Variants in ZNF469 observed in about 807,000 individuals in gnomAD.
ZNF469 encodes zinc finger protein 469.
ZNF469 carries 1 observed loss-of-function variant against 1.0 expected under a neutral mutation model. That is an observed-to-expected ratio of 1.00 (90% CI 0.35 to 4.73). The LOEUF (loss-of-function observed/expected upper bound fraction) is 4.73. Ranked by LOEUF, ZNF469 falls within the 30% of genes most tolerant of loss-of-function variation. ZNF469 has a pLI of 0.16. For missense variants in ZNF469, 6,100 were observed against 5,356.3 expected (o/e 1.14, Z -4.33); for synonymous variants, 2,703 against 2,363.4 (o/e 1.14, Z -4.17).
the ZNF469 span, among the ~76,000 whole-genome samples, chr16:88,331,071 A>C: frequency 6.6e-6 from 1 of 150,924 alleles, no homozygotes; most frequent in African/African-American, 2.4e-5. Context: ...AACCATCACG[A>C]CCACCACCAC....
chr16:88,103,094 C>T, the ZNF469 span, among the ~76,000 whole-genome samples: 5 of 152,380 alleles, frequency 3.3e-5, no homozygotes, highest in Admixed American at 6.5e-5. Context: ...AAGCTGTTCT[C>T]ATGTGTCCAC....
chr16:88,139,960 C>A, the ZNF469 span, among the ~76,000 whole-genome samples: 1 of 152,182 alleles, frequency 6.6e-6, no homozygotes, highest in African/African-American at 2.4e-5. Flanking sequence ...ACAAAAGATA[C>A]ACAAAATAAC....
chr16:88,356,380 G>A, the ZNF469 span, among the ~76,000 whole-genome samples: 1 of 152,172 alleles, frequency 6.6e-6, no homozygotes, highest in African/African-American at 2.4e-5. Flanking sequence ...AGTACACAGG[G>A]AGGGGGCAGG....
the ZNF469 span, among the ~76,000 whole-genome samples, chr16:88,193,027 ATGG>A: frequency 1.5e-4 from 10 of 65,326 alleles, no homozygotes; most frequent in South Asian, 5.3e-4. Flanking sequence ...GGTGGTGGTG[ATGG>A]TGGTGATGGT....
Position 88,432,992 on chromosome 16 carries a change from G to T in ZNF469, c.5522G>T (p.Gly1841Val). ...AQGHSAGRAG[G>V]HLHPTAGRPG... ...GGACATTCTGCAGGCAGAGCAGGTGGGCACCTCCACCCCACGGCAGGGAGG... is the reference window on the plus strand; with the variant it reads ...GGACATTCTGCAGGCAGAGCAGGTGTGCACCTCCACCCCACGGCAGGGAGG... The change falls in exon 3 of 3, where the codon GGG becomes GTG. Residue 1841 changes from glycine (G) to valine (V), a missense_variant. Transcript: ENST00000565624. 3 of 1,550,390 alleles carry T rather than the reference G, an allele frequency of 1.9e-6. No individual in the cohort carries two copies. The highest frequency in any genetic ancestry group is 2.6e-6 in the Non-Finnish European group (3 of 1,146,990).
the ZNF469 span, among the ~76,000 whole-genome samples, chr16:88,325,996 G>C: frequency 1.3e-5 from 2 of 152,340 alleles, no homozygotes; most frequent in South Asian, 4.1e-4. Flanking sequence ...CTGTGCCTGT[G>C]ATTGCGCCCC....
At chr16:88,276,187 G>C in the ZNF469 span, among the ~76,000 whole-genome samples, 1 of 152,098 alleles carries the variant, frequency 6.6e-6, no homozygotes, top group African/African-American at 2.4e-5. Context: ...CTGCACAGGA[G>C]TCAAGGCCAC....
chr16:88,369,632 T>C, the ZNF469 span, among the ~76,000 whole-genome samples: 1 of 152,236 alleles, frequency 6.6e-6, no homozygotes, highest in Non-Finnish European at 1.5e-5. Context: ...GTTCACAAAG[T>C]AGCCCCTGGC....
At chr16:88,168,134 C>A in the ZNF469 span, among the ~76,000 whole-genome samples, 1 of 152,202 alleles carries the variant, frequency 6.6e-6, no homozygotes, top group African/African-American at 2.4e-5. This position sits in a 1 kb window ranked among gnomAD's most constrained non-coding sequence, Gnocchi z 4.3. Flanking sequence ...CCGGGGTAGC[C>A]TTTCAAATCT....
intron 1 of ZNF469, among the ~76,000 whole-genome samples, chr16:88,417,087 G>A (rs1424786117): frequency 6.6e-6 from 1 of 152,192 alleles, no homozygotes; most frequent in Non-Finnish European, 1.5e-5. Context: ...CTTTTCCAGA[G>A]CTGCTGCTTG....
At chr16:88,222,234 A>T in the ZNF469 span, among the ~76,000 whole-genome samples, 1 of 152,136 alleles carries the variant, frequency 6.6e-6, no homozygotes, top group South Asian at 2.1e-4. Context: ...CTACACACCC[A>T]CTAATTGATT....
At chr16:88,158,168 G>C in the ZNF469 span, among the ~76,000 whole-genome samples, 1 of 152,084 alleles carries the variant, frequency 6.6e-6, no homozygotes, top group South Asian at 2.1e-4. Context: ...AAGTCCCCTG[G>C]GGGTGCTGCT....
the ZNF469 span, among the ~76,000 whole-genome samples, chr16:88,223,355 C>T: frequency 2.3e-4 from 35 of 152,316 alleles, no homozygotes; most frequent in Non-Finnish European, 4.3e-4. Flanking sequence ...TGCCTTTTGC[C>T]TTCCCTCCCC....
the ZNF469 span, among the ~76,000 whole-genome samples, chr16:88,123,532 A>T: frequency 6.6e-6 from 1 of 152,040 alleles, no homozygotes; most frequent in African/African-American, 2.4e-5. Context: ...ATTAACAGCA[A>T]GTCTTGGTGT....
At chr16:88,365,356 A>G in the ZNF469 span, among the ~76,000 whole-genome samples, 1 of 152,218 alleles carries the variant, frequency 6.6e-6, no homozygotes, top group African/African-American at 2.4e-5. Flanking sequence ...AGCTAAGCCC[A>G]TCCAATCAGA....
At chr16:88,197,296 C>G in the ZNF469 span, among the ~76,000 whole-genome samples, 1 of 152,186 alleles carries the variant, frequency 6.6e-6, no homozygotes, top group African/African-American at 2.4e-5. Context: ...GGGATCCTGC[C>G]TCTTTGTACA....
chr16:88,417,834 G>A (rs546993385), intron 1 of ZNF469, among the ~76,000 whole-genome samples: 5 of 152,264 alleles, frequency 3.3e-5, no homozygotes, highest in African/African-American at 1.2e-4. Flanking sequence ...GGCCTGGCAG[G>A]GGAGTGTGCG....
At chr16:88,315,351 G>T in the ZNF469 span, among the ~76,000 whole-genome samples, 1 of 152,208 alleles carries the variant, frequency 6.6e-6, no homozygotes, top group African/African-American at 2.4e-5. Context: ...GTCACTGTTG[G>T]GCCACACATG....
At chr16:88,178,386 G>A in the ZNF469 span, 1 of 152,286 alleles carries the variant, frequency 6.6e-6, no homozygotes, top group African/African-American at 2.4e-5. Context: ...GGGGCACTCC[G>A]GCGTTCTGAG....
Sources: gnomAD v4.1 joint callset for allele counts (sites outside exome capture counted in the v4.1 genomes callset) on GRCh38, gnomAD v4.1.1 for gene constraint, Gnocchi (gnomAD v3.1) non-coding constraint, MANE v1.5 for transcripts, NCBI Gene and HGNC (gene_info 2026-07-23, HGNC 2026-07-21) for gene names.